The following ERC1 variants were observed in gnomAD, a reference collection of about 807,000 sequenced individuals.
The protein encoded by ERC1 is ELKS/RAB6-interacting/CAST family member 1.
ERC1 carries 56 observed loss-of-function variants against 132.0 expected under a neutral mutation model. The ratio of observed to expected loss-of-function variants is 0.42; its 90% CI spans 0.34 to 0.53. ERC1 has a LOEUF of 0.53. Ranked by LOEUF, ERC1 falls within the 20% of genes least tolerant of loss-of-function variation. The pLI, the probability that ERC1 is intolerant of heterozygous loss-of-function variation, is 0.03. For missense variants in ERC1, 1,202 were observed against 1,349.9 expected, an observed-to-expected ratio of 0.89 and a Z score of 1.72; for synonymous variants, 478 against 476.1, an observed-to-expected ratio of 1.00 and a Z score of -0.05.
At chr12:1,060,187 C>CTTTTTTTTTTT (rs1555221071) in intron 2 of ERC1, among the ~76,000 whole-genome samples, 1 of 100,562 alleles carries the variant, frequency 9.9e-6, no homozygotes, top group Non-Finnish European at 2.5e-5. Flanking sequence ...TTTTTTTTTA[C>CTTTTTTTTTTT]TATTATACTT....
intron 3 of ERC1, among the ~76,000 whole-genome samples, chr12:1,092,797 C>G (rs990696201): frequency 2.6e-5 from 4 of 152,088 alleles, no homozygotes; most frequent in African/African-American, 9.7e-5. Context: ...CCTGTCTCTA[C>G]TAAAAATACA....
At chr12:1,031,103 G>T (rs1184168002) in intron 2 of ERC1, among the ~76,000 whole-genome samples, 1 of 152,168 alleles carries the variant, frequency 6.6e-6, no homozygotes, top group Non-Finnish European at 1.5e-5. Flanking sequence ...GCTACTTGAA[G>T]ATCTCTAGTT....
At chr12:1,196,315 T>C (rs1456069420) in intron 12 of ERC1, among the ~76,000 whole-genome samples, 1 of 152,112 alleles carries the variant, frequency 6.6e-6, no homozygotes, top group Non-Finnish European at 1.5e-5. Flanking sequence ...GAGGAATACA[T>C]ATAGCAGATT....
intron 2 of ERC1, among the ~76,000 whole-genome samples, chr12:1,059,359 T>TC (rs1331544714): frequency 6.6e-6 from 1 of 152,188 alleles, no homozygotes; most frequent in Non-Finnish European, 1.5e-5. Context: ...GGCTGGGACT[T>TC]CCAGTACTAT....
At chr12:1,459,958 A>G (rs569948778) in intron 18 of ERC1, among the ~76,000 whole-genome samples, 14 of 152,362 alleles carry the variant, frequency 9.2e-5, no homozygotes, top group African/African-American at 3.1e-4. Flanking sequence ...ATAGAGACAG[A>G]TGTGTATACA....
intron 15 of ERC1, among the ~76,000 whole-genome samples, chr12:1,369,380 A>G (rs1164746480): frequency 6.6e-6 from 1 of 152,230 alleles, no homozygotes; most frequent in Non-Finnish European, 1.5e-5. Flanking sequence ...TTCCTTAAGC[A>G]CAAAATAGGC....
chr12:1,438,323 T>A (rs1426660441), intron 17 of ERC1, among the ~76,000 whole-genome samples: 1 of 152,230 alleles, frequency 6.6e-6, no homozygotes, highest in African/African-American at 2.4e-5. Context: ...AGCTCTCCGC[T>A]GGGGCCTCTG....
At chr12:1,488,852 C>G (rs2094282731) in intron 18 of ERC1, among the ~76,000 whole-genome samples, 1 of 152,186 alleles carries the variant, frequency 6.6e-6, no homozygotes, top group Admixed American at 6.5e-5. Context: ...TGAAGAGGCT[C>G]AGACCTGTGT....
chr12:1,072,418 A>G (rs1940557462), intron 2 of ERC1, among the ~76,000 whole-genome samples: 1 of 152,158 alleles, frequency 6.6e-6, no homozygotes, highest in Non-Finnish European at 1.5e-5. Context: ...TACTACCTAC[A>G]TTGATTGCCT....
At chr12:1,170,426 G>T (rs528700421) in intron 8 of ERC1, among the ~76,000 whole-genome samples, 107 of 152,190 alleles carry the variant, frequency 7.0e-4, no homozygotes, top group African/African-American at 2.4e-3. Context: ...ACTGAGACTA[G>T]GCTACCTAGA....
intron 3 of ERC1, among the ~76,000 whole-genome samples, chr12:1,096,139 G>A (rs538112326): frequency 6.6e-6 from 1 of 152,092 alleles, no homozygotes; most frequent in Non-Finnish European, 1.5e-5. Flanking sequence ...TGTTGCCCAG[G>A]CTGGTCTCGA....
intron 7 of ERC1, among the ~76,000 whole-genome samples, chr12:1,129,104 T>G (rs1487913837): frequency 6.6e-6 from 1 of 152,226 alleles, no homozygotes; most frequent in Non-Finnish European, 1.5e-5. Context: ...ATTCTTCAAT[T>G]CAGGAACAAA....
At chr12:997,342 G>A (rs779116192) in intron 1 of ERC1, among the ~76,000 whole-genome samples, 13 of 152,236 alleles carry the variant, frequency 8.5e-5, no homozygotes, top group Admixed American at 4.6e-4. Flanking sequence ...TTTGTGGAAA[G>A]TACGAACATA....
At chr12:1,395,792 T>TA (rs1321173011) in intron 16 of ERC1, among the ~76,000 whole-genome samples, 4 of 152,180 alleles carry the variant, frequency 2.6e-5, no homozygotes, top group African/African-American at 9.7e-5. Context: ...AAATTTTTTT[T>TA]ATTTGCTTTC....
At chr12:1,203,689 G>T (rs1255552398) in intron 12 of ERC1, among the ~76,000 whole-genome samples, 1 of 152,192 alleles carries the variant, frequency 6.6e-6, no homozygotes, top group Non-Finnish European at 1.5e-5. Context: ...CTATTTGGAG[G>T]ATCATACTAA....
rs1193064288 is a variant in ERC1 at position 1,494,811 on chromosome 12, A to T, written c.*4581A>T. 4 of 230,164 alleles carry T rather than the reference A, an allele frequency of 1.7e-5. No individual in the cohort carries two copies. Among genetic ancestry groups the T allele is most frequent in the Non-Finnish European group, 3.4e-5 (4 of 116,230 alleles). 14.3% of individuals were successfully genotyped at this position (230,164 alleles called of 1,614,324 possible). On this transcript the variant is annotated 3_prime_UTR_variant, in exon 19 of 19. Coordinates refer to ENST00000360905, the MANE Select transcript of ERC1 (RefSeq NM_178040.4). The stretch of plus-strand genomic sequence containing the variant: ...TAAAACGTAGTTGTAGAAATGAAAA[A>T]TTAAACAGCTGTGTTTTAAAAATGC...
At chr12:1,302,898 G>A (rs1046781056) in intron 15 of ERC1, among the ~76,000 whole-genome samples, 4 of 152,266 alleles carry the variant, frequency 2.6e-5, no homozygotes, top group Admixed American at 1.3e-4. Context: ...AGAAAGTCAA[G>A]GCTGCAGTGA....
chr12:1,015,052 C>G (rs1201079358), intron 1 of ERC1, among the ~76,000 whole-genome samples: 1 of 149,738 alleles, frequency 6.7e-6, no homozygotes, highest in African/African-American at 2.5e-5. Flanking sequence ...GCATGACCTA[C>G]TGTGCCCTGC....
chr12:1,283,742 A>G (rs1423884964), intron 14 of ERC1, among the ~76,000 whole-genome samples: 4 of 152,226 alleles, frequency 2.6e-5, no homozygotes, highest in Admixed American at 2.0e-4. Context: ...TTTTACTAAC[A>G]GATAAAAATC....
Sources: allele counts gnomAD v4.1 joint callset (sites outside exome capture counted in the v4.1 genomes callset), GRCh38; gene constraint gnomAD v4.1.1; transcripts MANE v1.5; gene names NCBI Gene and HGNC (gene_info 2026-07-23, HGNC 2026-07-21).